The following PRB4 variants were observed in gnomAD, a reference collection of about 807,000 sequenced individuals.
The protein encoded by PRB4 is proline rich protein BstNI subfamily 4, also known as basic salivary proline-rich protein 4.
Under a neutral mutation model 9.1 loss-of-function variants are expected in PRB4, and 14 were observed. The ratio of observed to expected loss-of-function variants is 1.54; its 90% CI spans 1.02 to 2.41. The LOEUF (loss-of-function observed/expected upper bound fraction) is 2.41, where lower values mean the gene tolerates loss of function less well. Ranked by LOEUF, PRB4 falls within the 30% of genes most tolerant of loss-of-function variation. The pLI is 0.00. For missense variants in PRB4, 381 were observed against 299.3 expected (o/e 1.27, Z -2.02); for synonymous variants, 102 against 108.5 (o/e 0.94, Z 0.37).
intron 2 of PRB4, 99 bp from the exon 3 acceptor site, chr12:11,308,981 A>G: frequency 6.6e-7 from 1 of 1,521,290 alleles, no homozygotes; most frequent in Non-Finnish European, 9.1e-7. Context: ...TGAGACCCAG[A>G]TACTAATTTC....
intron 1 of PRB4, 107 bp downstream of exon 1, chr12:11,310,228 A>G: frequency 2.1e-6 from 3 of 1,424,818 alleles, no homozygotes; most frequent in Non-Finnish European, 3.0e-6. Flanking sequence ...AGGCATGAAA[A>G]CTCTGCAGCC....
At chr12:11,309,328 A>G (rs780298504) in intron 2 of PRB4, 42 bp downstream of exon 2, 1 of 1,613,680 alleles carries the variant, frequency 6.2e-7, no homozygotes, top group East Asian at 2.2e-5. Flanking sequence ...TTGTAAGCAG[A>G]AAAAGGGAGT....
Position 11,308,225 on chromosome 12 carries a change from C to G in PRB4, c.*14G>C. 6.2e-7 allele frequency: 1 copy of G among 1,607,606 alleles called. No homozygotes were observed. Among genetic ancestry groups the G allele is most frequent in the Non-Finnish European group, 8.5e-7 (1 of 1,177,426 alleles). On this transcript the variant is annotated 3_prime_UTR_variant, in exon 3 of 4. Coordinates refer to ENST00000279575, the MANE Select transcript of PRB4 (RefSeq NM_002723.6). ...AATAATAAAGTGGAATCATACCTGT[C>G]ATTGAATCCTAGATTACTGGGGAGG...
intron 3 of PRB4, among the ~76,000 whole-genome samples, chr12:11,307,530 A>G (rs1209883132): frequency 6.6e-6 from 1 of 152,230 alleles, no homozygotes; most frequent in Non-Finnish European, 1.5e-5. Context: ...ACTGATGTGG[A>G]AATTTTAAAA....
chr12:11,307,698 G>A (rs1441732926), intron 3 of PRB4, among the ~76,000 whole-genome samples: 1 of 152,198 alleles, frequency 6.6e-6, no homozygotes, highest in Non-Finnish European at 1.5e-5. Flanking sequence ...AGGAAGGTGG[G>A]TAGGATGTGT....
rs1328438625 is a variant in PRB4, at chr12:11,308,095, T to C, written c.*18+126A>G. Reference sequence around the variant, plus strand: ...CTTACCCTATTCCAGAGTATCTGAATACAAATTTTTAGAAATGGGTTCTAG... The same window carrying C: ...CTTACCCTATTCCAGAGTATCTGAACACAAATTTTTAGAAATGGGTTCTAG... On this transcript the variant is annotated intron_variant, in intron 3 of 3. Transcript: ENST00000279575. 3 of 1,133,152 alleles carry C rather than the reference T, an allele frequency of 2.6e-6. No individual in the cohort carries two copies. In the East Asian group the frequency reaches 7.3e-5, roughly 28 times the overall value. 70.2% of individuals were successfully genotyped at this position (1,133,152 alleles called of 1,614,324 possible).
Position 11,308,339 on chromosome 12 carries a change from T to G in PRB4, c.644A>C (p.Gln215Pro). ...CTTTCCAGCAGGAGGTGCCTGAGGC[T>G]GCTGGGGATTGCCTCCTGCTGGGGG... ...GPPPAGGNPQ[Q>P]PQAPPAGKPQ... The change falls in exon 3 of 4, where the codon CAG becomes CCG. Residue 215 changes from glutamine to proline, a missense_variant. Physicochemically the swap from Gln to Pro is moderately conservative, Grantham distance 76. Coordinates refer to ENST00000279575, the MANE Select transcript of PRB4 (RefSeq NM_002723.6). The G allele has an allele frequency of 1.2e-6, 2 of 1,609,890 alleles. No homozygotes were observed. The highest frequency in any genetic ancestry group is 1.7e-6 in the Non-Finnish European group (2 of 1,177,032).
At chr12:11,310,095 T>G (rs1178370431) in intron 1 of PRB4, among the ~76,000 whole-genome samples, 1 of 152,180 alleles carries the variant, frequency 6.6e-6, no homozygotes, top group Non-Finnish European at 1.5e-5. Context: ...CAGTTCTATC[T>G]CTATAAATTC....
chr12:11,310,125 C>T lies in PRB4; in HGVS notation c.64+210G>A, dbSNP rs974034417. Among the ~76,000 whole-genome samples the T allele has an allele frequency of 8.0e-4, 122 of 152,270 alleles. 1 individual carries two copies. The highest frequency in any genetic ancestry group is 2.7e-3 in the African/African-American group (114 of 41,550). The stretch of plus-strand genomic sequence containing the variant: ...AAATTCAAATCTTACCTTCTCATTC[C>T]CCTGGAACAAATTCGTTATTGGATT... On this transcript the variant is annotated intron_variant, in intron 1 of 3. Coordinates refer to ENST00000279575, the MANE Select transcript of PRB4 (RefSeq NM_002723.6).
intron 1 of PRB4, among the ~76,000 whole-genome samples, chr12:11,310,020 A>T (rs1863016414): frequency 6.6e-6 from 1 of 152,286 alleles, no homozygotes; most frequent in Middle Eastern, 3.4e-3. Flanking sequence ...TGGGATCAGT[A>T]TAGGATCTTC....
intron 1 of PRB4, among the ~76,000 whole-genome samples, 169 bp downstream of exon 1, chr12:11,310,166 T>A (rs184397615): frequency 4.3e-4 from 65 of 152,342 alleles, no homozygotes; most frequent in Non-Finnish European, 3.4e-4. Context: ...GTACATTAAA[T>A]AAATTAGAAG....
chr12:11,309,448 A>C (rs1346560771), intron 1 of PRB4, 43 bp from the exon 2 acceptor site: 1 of 1,613,992 alleles, frequency 6.2e-7, no homozygotes, highest in East Asian at 2.2e-5. Context: ...TACATCTCAA[A>C]TCTTCAAGAC....
rs537566782 is a variant in PRB4, at chr12:11,307,455, A to G, written c.*19-256T>C. On this transcript the variant is annotated intron_variant, in intron 3 of 3. Coordinates refer to ENST00000279575, the MANE Select transcript of PRB4 (RefSeq NM_002723.6). ...AACGAAATCATGGCACAGCTACACAATAGAGTAGTATAAAAATGTAAAAGC... is the reference window on the plus strand; with the variant it reads ...AACGAAATCATGGCACAGCTACACAGTAGAGTAGTATAAAAATGTAAAAGC... Among the ~76,000 whole-genome samples, 179 of 152,330 alleles carry G rather than the reference A, an allele frequency of 1.2e-3. 1 individual carries two copies. Among genetic ancestry groups the G allele is most frequent in the African/African-American group, 4.2e-3 (175 of 41,584 alleles).
At chr12:11,310,278 C>T in intron 1 of PRB4, 57 bp downstream of exon 1, 3 of 1,600,232 alleles carry the variant, frequency 1.9e-6, no homozygotes, top group Non-Finnish European at 2.6e-6. Flanking sequence ...CCATAATTAC[C>T]ACTGTCACCT....
In PRB4 at chr12:11,310,390, C is replaced by G. The variant is rs554958888; in HGVS notation, c.9G>C (p.Leu3=). The G allele has an allele frequency of 1.2e-6, 2 of 1,614,264 alleles. No individual in the cohort carries two copies. Among genetic ancestry groups the G allele is most frequent in the Admixed American group, 3.3e-5 (2 of 60,032 alleles). Residue 3 remains leucine (L), a synonymous_variant, in exon 1 of 4, where the codon CTG becomes CTC. Transcript: ENST00000279575. The part of the protein sequence containing the change: ML[L]ILLSVALLAL... ...CCAGCAGGGCCACTGACAGCAGAAT[C>G]AGCAGCATCTCGCTGGAGGCTCTGG...
At chr12:11,308,106 A>G in intron 3 of PRB4, 115 bp downstream of exon 3, 2 of 1,239,172 alleles carry the variant, frequency 1.6e-6, no homozygotes, top group Admixed American at 2.4e-5. Flanking sequence ...ACAAATTTTT[A>G]GAAATGGGTT....
At chr12:11,309,824 T>C (rs979927646) in intron 1 of PRB4, among the ~76,000 whole-genome samples, 6 of 152,216 alleles carry the variant, frequency 3.9e-5, no homozygotes, top group Non-Finnish European at 7.3e-5. Context: ...TCCCAGCACA[T>C]TGAAATACTG....
At chr12:11,308,980 G>C in intron 2 of PRB4, 98 bp from the exon 3 acceptor site, 1 of 1,520,426 alleles carries the variant, frequency 6.6e-7, no homozygotes, top group Non-Finnish European at 9.1e-7. Flanking sequence ...ATGAGACCCA[G>C]ATACTAATTT....
chr12:11,307,536 T>TA (rs918424923), intron 3 of PRB4, among the ~76,000 whole-genome samples: 28 of 152,188 alleles, frequency 1.8e-4, no homozygotes, highest in African/African-American at 6.5e-4. Context: ...GTGGAAATTT[T>TA]AAAAAAATGT....
Sources: gnomAD v4.1 joint callset for allele counts (sites outside exome capture counted in the v4.1 genomes callset) on GRCh38, gnomAD v4.1.1 for gene constraint, MANE v1.5 for transcripts, NCBI Gene and HGNC (gene_info 2026-07-23, HGNC 2026-07-21) for gene names.